NREP: variants seen among roughly 807,000 people sequenced by gnomAD.
NREP encodes the protein neuronal regeneration related protein.
Under a neutral mutation model 8.6 loss-of-function variants are expected in NREP, and 5 were observed. The observed-to-expected ratio is 0.58, with a 90% confidence interval of 0.30 to 1.22. The LOEUF (loss-of-function observed/expected upper bound fraction) is 1.22. Among genes scored for constraint, NREP ranks in the 50% most tolerant of loss-of-function variants. The pLI, the probability that NREP is intolerant of heterozygous loss-of-function variation, is 0.07. For missense variants in NREP, 86 were observed against 82.5 expected (o/e 1.04, Z -0.17); for synonymous variants, 27 against 28.0 (o/e 0.96, Z 0.11).
chr5:111,909,302 G>C (rs1288238152), intron 2 of NREP, among the ~76,000 whole-genome samples: 1 of 152,072 alleles, frequency 6.6e-6, no homozygotes, highest in African/African-American at 2.4e-5. Context: ...GGTGCAAGAA[G>C]ATGAACTTAG....
At chr5:111,799,272 A>C (rs966605496) in intron 2 of NREP, among the ~76,000 whole-genome samples, 1 of 151,924 alleles carries the variant, frequency 6.6e-6, no homozygotes, top group Admixed American at 6.6e-5. Context: ...GTTCCATATT[A>C]ATTTTAGGAT....
intron 2 of NREP, among the ~76,000 whole-genome samples, chr5:111,822,743 C>T (rs1752538154): frequency 7.4e-6 from 1 of 136,042 alleles, no homozygotes; most frequent in Admixed American, 7.3e-5. Context: ...AAATAGTCAA[C>T]AATTAACAGA....
chr5:111,791,907 C>T (rs1489041841), intron 2 of NREP, among the ~76,000 whole-genome samples: 1 of 152,168 alleles, frequency 6.6e-6, no homozygotes, highest in Non-Finnish European at 1.5e-5. Context: ...GTCTGGGACT[C>T]TGTTATCTGA....
intron 2 of NREP, among the ~76,000 whole-genome samples, chr5:111,939,374 A>G (rs1042696498): frequency 1.3e-5 from 2 of 152,070 alleles, no homozygotes; most frequent in Non-Finnish European, 2.9e-5. Context: ...TAACCAAAGC[A>G]TCAATTTCCC....
intron 2 of NREP, among the ~76,000 whole-genome samples, chr5:111,838,431 T>G (rs1038440379): frequency 6.6e-6 from 1 of 152,136 alleles, no homozygotes; most frequent in Non-Finnish European, 1.5e-5. Context: ...CAAACACTAA[T>G]GTAGGTATTG....
chr5:111,862,974 C>T (rs893190472), intron 2 of NREP, among the ~76,000 whole-genome samples: 4 of 150,334 alleles, frequency 2.7e-5, no homozygotes, highest in East Asian at 1.9e-4. Context: ...TGAAATATCT[C>T]GATACTGCTT....
chr5:111,862,975 G>A (rs760774963), intron 2 of NREP, among the ~76,000 whole-genome samples: 1 of 150,808 alleles, frequency 6.6e-6, no homozygotes, highest in South Asian at 2.1e-4. Context: ...GAAATATCTC[G>A]ATACTGCTTC....
At chr5:111,836,623 C>T (rs1049741832) in intron 2 of NREP, among the ~76,000 whole-genome samples, 2 of 151,960 alleles carry the variant, frequency 1.3e-5, no homozygotes, top group African/African-American at 2.4e-5. Flanking sequence ...AGGAGAAAGA[C>T]AGTGCCTTGA....
chr5:111,765,739 T>A (rs1442988473), intron 2 of NREP, among the ~76,000 whole-genome samples: 1 of 152,204 alleles, frequency 6.6e-6, no homozygotes, highest in Non-Finnish European at 1.5e-5. Context: ...TCCCTTGGCA[T>A]CTCTTTATTT....
chr5:111,842,649 T>A (rs1753059369), intron 2 of NREP, among the ~76,000 whole-genome samples: 1 of 152,222 alleles, frequency 6.6e-6, no homozygotes, highest in African/African-American at 2.4e-5. Flanking sequence ...GTGTTTTAAA[T>A]TTGACTATAT....
At chr5:111,918,930 C>A (rs993286149) in intron 2 of NREP, among the ~76,000 whole-genome samples, 1 of 151,062 alleles carries the variant, frequency 6.6e-6, no homozygotes, top group Non-Finnish European at 1.5e-5. Flanking sequence ...AAACTATCAT[C>A]AGAGTGAACA....
At position 111,952,252 on chromosome 5, in the gene NREP, T is replaced by C. The variant is rs1391382626; in HGVS notation, c.135+23022A>G. 2.0e-5 allele frequency among the ~76,000 whole-genome samples: 3 copies of C among 152,032 alleles called. No individual in the cohort carries two copies. In the East Asian group the frequency reaches 5.8e-4, roughly 29 times the overall value. On this transcript the variant is annotated intron_variant, in intron 2 of 3. Coordinates refer to the NREP transcript ENST00000395634. ...CATTGCATCACCTAAGAGCCGTCTC[T>C]ACCATCTACACCTAAGGCCAGCCAG...
intron 2 of NREP, among the ~76,000 whole-genome samples, chr5:111,835,945 G>T (rs563975007): frequency 6.6e-6 from 1 of 152,234 alleles, no homozygotes; most frequent in Admixed American, 6.6e-5. Flanking sequence ...GGATGCAGAT[G>T]TAAGAAACTT....
chr5:111,848,050 T>G (rs1753224076), intron 2 of NREP, among the ~76,000 whole-genome samples: 1 of 152,164 alleles, frequency 6.6e-6, no homozygotes, highest in African/African-American at 2.4e-5. Context: ...TGGTGGGTCC[T>G]GAAGGTTTGG....
At chr5:111,888,018 C>A (rs953543690) in intron 2 of NREP, among the ~76,000 whole-genome samples, 7 of 152,114 alleles carry the variant, frequency 4.6e-5, no homozygotes, top group African/African-American at 1.7e-4. Flanking sequence ...ACAAGACTTA[C>A]ATGGAACAGC....
chr5:111,786,294 G>A (rs1404377478), intron 2 of NREP, among the ~76,000 whole-genome samples: 2 of 152,094 alleles, frequency 1.3e-5, no homozygotes, highest in Non-Finnish European at 2.9e-5. Context: ...TAACTTTCAT[G>A]AGGCCTCCCA....
rs192813881 is a variant in NREP, at chr5:111,881,140, G to A, written c.135+94134C>T. Among the ~76,000 whole-genome samples the A allele has an allele frequency of 1.9e-4, 29 of 152,264 alleles. 1 individual carries two copies. Among genetic ancestry groups the A allele is most frequent in the East Asian group, 9.7e-4 (5 of 5,180 alleles). On this transcript the variant is annotated intron_variant, in intron 2 of 3. Coordinates refer to the NREP transcript ENST00000395634. Reference sequence around the variant, plus strand: ...TCCCACTCTAATACTGTGCTTTTCCGACAGGCTTAAAAAACGGCGCACCAG... The same window carrying A: ...TCCCACTCTAATACTGTGCTTTTCCAACAGGCTTAAAAAACGGCGCACCAG...
At chr5:111,735,041 A>C (rs1195110671) in intron 3 of NREP, 5 of 344,138 alleles carry the variant, frequency 1.5e-5, no homozygotes, top group Non-Finnish European at 2.6e-5. Flanking sequence ...CTTTTGCTTC[A>C]TGGATAATCT....
rs17133910 is a variant in NREP, at chr5:111,953,555, G to A, written c.135+21719C>T. Among the ~76,000 whole-genome samples, 422 of 151,916 alleles carry A rather than the reference G, an allele frequency of 2.8e-3. 15 individuals carry two copies. The East Asian group carries it at 0.063, about 23-fold the overall frequency. Reference sequence around the variant, plus strand: ...ATCATGAGTTCGTGCACTATTTACCGCAGGCCAACTCTGTAAGTTTAAGTA... The same window carrying A: ...ATCATGAGTTCGTGCACTATTTACCACAGGCCAACTCTGTAAGTTTAAGTA... On this transcript the variant is annotated intron_variant, in intron 2 of 3. Coordinates refer to the NREP transcript ENST00000395634.
Sources: gnomAD v4.1 joint callset for allele counts (sites outside exome capture counted in the v4.1 genomes callset) on GRCh38, gnomAD v4.1.1 for gene constraint, MANE v1.5 for transcripts, NCBI Gene and HGNC (gene_info 2026-07-23, HGNC 2026-07-21) for gene names.